Variants in ZFHX3 observed in about 807,000 individuals in gnomAD.
ZFHX3 encodes zinc finger homeobox 3, also known as zinc finger homeobox protein 3.
ZFHX3 carries 42 observed loss-of-function variants against 279.1 expected under a neutral mutation model. The observed-to-expected ratio is 0.15, with a 90% CI of 0.12 to 0.19. ZFHX3 has a LOEUF of 0.19. ZFHX3 is among the 10% of genes least tolerant of loss of function. The probability of loss-of-function intolerance (pLI) is 1.00; values close to 1 mark genes in which losing one functional copy is unlikely to be tolerated. For missense variants in ZFHX3, 4,981 were observed against 4,754.0 expected (o/e 1.05, Z -1.40); for synonymous variants, 2,293 against 1,957.8 (o/e 1.17, Z -4.52).
At chr16:72,827,017 G>A in intron 5 of ZFHX3, among the ~76,000 whole-genome samples, 1 of 152,174 alleles carries the variant, frequency 6.6e-6, no homozygotes, top group East Asian at 1.9e-4. Context: ...GGATTAGAGA[G>A]GCACATATAG....
chr16:73,655,594 TACAA>T lies in ZFHX3; in HGVS notation c.-1547+24582_-1547+24585del, dbSNP rs573642677. Among the ~76,000 whole-genome samples, 687 of 152,192 alleles carry T rather than the reference TACAA, an allele frequency of 4.5e-3. 5 individuals carry two copies. Among genetic ancestry groups the T allele is most frequent in the African/African-American group, 0.014 (580 of 41,528 alleles). On this transcript the variant is annotated intron_variant, in intron 2 of 17. Transcript: ENST00000641206. ...TATTCCAAAATTGAATACATGAAAA[TACAA>T]ACAATCTCATTAATAATTATGGTTA...
At chr16:73,201,123 G>A (rs978236617) in intron 5 of ZFHX3, among the ~76,000 whole-genome samples, 1 of 152,184 alleles carries the variant, frequency 6.6e-6, no homozygotes, top group Non-Finnish European at 1.5e-5. Flanking sequence ...ACACCACCTT[G>A]TCTACAGTGA....
At chr16:73,712,354 G>A (rs1034651172) in intron 1 of ZFHX3, among the ~76,000 whole-genome samples, 4 of 152,156 alleles carry the variant, frequency 2.6e-5, no homozygotes, top group African/African-American at 9.7e-5. Context: ...TCCTCTCCTT[G>A]GGGCCTTCTC....
At chr16:73,017,834 T>C (rs964800682) in intron 1 of ZFHX3, among the ~76,000 whole-genome samples, 4 of 152,174 alleles carry the variant, frequency 2.6e-5, no homozygotes, top group Admixed American at 6.5e-5. Flanking sequence ...GCCACCTGCA[T>C]AGAGCCCATG....
chr16:72,913,610 G>A (rs554529972), intron 3 of ZFHX3, among the ~76,000 whole-genome samples: 12 of 152,156 alleles, frequency 7.9e-5, no homozygotes, highest in Non-Finnish European at 1.5e-4. Context: ...GTTTCTCCAA[G>A]GGTAAGTTAA....
chr16:73,812,723 G>C (rs903184158), intron 1 of ZFHX3: 1 of 152,120 alleles, frequency 6.6e-6, no homozygotes, highest in Non-Finnish European at 1.5e-5. Flanking sequence ...CATACTACCA[G>C]AAAAACAGCT....
At chr16:73,737,439 C>T (rs921733862) in intron 1 of ZFHX3, among the ~76,000 whole-genome samples, 4 of 152,170 alleles carry the variant, frequency 2.6e-5, no homozygotes, top group Admixed American at 6.5e-5. Context: ...TTTGATCATC[C>T]TTTGTGGGAT....
chr16:73,042,039 T>A (rs762760263), intron 1 of ZFHX3, among the ~76,000 whole-genome samples: 8 of 152,216 alleles, frequency 5.3e-5, no homozygotes, highest in Non-Finnish European at 1.2e-4. Context: ...AATAGGCCAC[T>A]CAGGAGACTG....
At chr16:73,579,854 T>TCATATATATATATATA (rs1555525919) in intron 2 of ZFHX3, among the ~76,000 whole-genome samples, 3 of 140,942 alleles carry the variant, frequency 2.1e-5, no homozygotes, top group Non-Finnish European at 4.5e-5. Context: ...ATTATACAGA[T>TCATATATATATATATA]TATATATATA....
intron 1 of ZFHX3, among the ~76,000 whole-genome samples, chr16:73,795,978 C>A (rs1009268393): frequency 6.6e-6 from 1 of 152,120 alleles, no homozygotes; most frequent in East Asian, 1.9e-4. Flanking sequence ...CCTAATACAG[C>A]CCTGAATTTG....
At chr16:73,320,044 C>T (rs1160762133) in intron 3 of ZFHX3, among the ~76,000 whole-genome samples, 3 of 151,956 alleles carry the variant, frequency 2.0e-5, no homozygotes, top group Non-Finnish European at 4.4e-5. Context: ...AGACTGGCAT[C>T]CAGTACAAAT....
At chr16:73,553,646 T>C (rs954852140) in intron 2 of ZFHX3, among the ~76,000 whole-genome samples, 1 of 152,208 alleles carries the variant, frequency 6.6e-6, no homozygotes, top group African/African-American at 2.4e-5. Context: ...AAGGACAGCA[T>C]AGACTGGTCA....
Position 72,957,821 on chromosome 16 carries a change from C to A in ZFHX3, c.2325G>T (p.Ala775=), listed in dbSNP as rs376318771. The change falls in exon 2 of 10, where the codon GCG becomes GCT. Residue 775 remains alanine (A), a synonymous_variant. Coordinates refer to ENST00000268489, the MANE Select transcript of ZFHX3 (RefSeq NM_006885.4). ...VFSHTAGAAA[A]AVAAAAAAAN... Reference sequence around the variant, plus strand: ...CTGCCGCCGCCGCCGCAGCCACCGCCGCCGCCGCCGCCCCGGCAGTGTGGC... The same window carrying A: ...CTGCCGCCGCCGCCGCAGCCACCGCAGCCGCCGCCGCCCCGGCAGTGTGGC... The A allele has an allele frequency of 1.3e-6, 2 of 1,599,016 alleles. No individual in the cohort carries two copies. Among genetic ancestry groups the A allele is most frequent in the South Asian group, 1.1e-5 (1 of 90,058 alleles).
intron 1 of ZFHX3, among the ~76,000 whole-genome samples, chr16:73,697,041 T>C (rs1311569779): frequency 6.6e-6 from 1 of 152,030 alleles, no homozygotes; most frequent in Admixed American, 6.6e-5. Context: ...AAAGAGAAAA[T>C]GTGGCAGTTA....
chr16:73,165,376 C>CT (rs1456718112), intron 5 of ZFHX3, among the ~76,000 whole-genome samples: 1 of 152,208 alleles, frequency 6.6e-6, no homozygotes, highest in Non-Finnish European at 1.5e-5. Flanking sequence ...CCTCTGGGTT[C>CT]TTAACATACC....
rs1292581689 is a variant in ZFHX3 at position 73,047,917 on chromosome 16, G to A, written c.-215C>T. 1.3e-5 allele frequency: 2 copies of A among 152,342 alleles called. No individual in the cohort carries two copies. The highest frequency in any genetic ancestry group is 2.4e-5 in the African/African-American group (1 of 41,470). The allele number at this position is 152,342 out of a possible 1,614,324, so 9.4% of individuals were successfully genotyped here. Reference sequence around the variant, plus strand: ...CTCCCGCTGGCCCCAGGACTCGGAGGTGGCTCTGGTCAGGAGCAGGGGGCC... The same window carrying A: ...CTCCCGCTGGCCCCAGGACTCGGAGATGGCTCTGGTCAGGAGCAGGGGGCC... On this transcript the variant is annotated 5_prime_UTR_variant, in exon 1 of 10. Coordinates refer to ENST00000268489, the MANE Select transcript of ZFHX3 (RefSeq NM_006885.4).
rs117936658 is a variant in ZFHX3 at position 73,357,020 on chromosome 16, G to A, written c.-1290-38684C>T. Among the ~76,000 whole-genome samples, 1,088 of 151,988 alleles carry A rather than the reference G, an allele frequency of 7.2e-3. 13 individuals carry two copies. The highest frequency in any genetic ancestry group is 9.8e-3 in the Non-Finnish European group (664 of 67,976). ...TCCCAAAGTTACCCAGCAGAGCTCA[G>A]CTCCAATTGGCCATGGTGGAAATGT... On this transcript the variant is annotated intron_variant, in intron 3 of 17. Transcript: ENST00000641206.
At chr16:72,924,498 A>G (rs778344914) in intron 3 of ZFHX3, among the ~76,000 whole-genome samples, 6 of 152,198 alleles carry the variant, frequency 3.9e-5, no homozygotes, top group East Asian at 1.9e-4. Flanking sequence ...GGGTTTTGAC[A>G]TAAGTTGTTT....
intron 1 of ZFHX3, among the ~76,000 whole-genome samples, chr16:73,797,096 G>C (rs1176500655): frequency 6.6e-6 from 1 of 152,022 alleles, no homozygotes; most frequent in Admixed American, 6.5e-5. Flanking sequence ...CCAAGTGCTT[G>C]GGAGGCTGAG....
Sources: allele counts gnomAD v4.1 joint callset (sites outside exome capture counted in the v4.1 genomes callset), GRCh38; gene constraint gnomAD v4.1.1; transcripts MANE v1.5; gene names NCBI Gene and HGNC (gene_info 2026-07-23, HGNC 2026-07-21).